Variants in PSG6 observed in about 807,000 individuals in gnomAD.
PSG6 encodes pregnancy specific beta-1-glycoprotein 6.
A neutral mutation model predicts 43.3 loss-of-function variants in PSG6; 51 were observed. That is an observed-to-expected ratio of 1.18 (90% CI 0.94 to 1.49). The LOEUF (loss-of-function observed/expected upper bound fraction) is 1.49. Among genes scored for constraint, PSG6 ranks in the 40% most tolerant of loss-of-function variants. PSG6 has a pLI of 0.00. For synonymous variants in PSG6, 292 were observed against 197.6 expected, an observed-to-expected ratio of 1.48 and a Z score of -4.01; for missense variants, 770 against 522.2, an observed-to-expected ratio of 1.47 and a Z score of -4.62.
intron 2 of PSG6, chr19:42,915,152 A>G (rs1223663008): frequency 6.6e-6 from 1 of 151,260 alleles, no homozygotes; most frequent in Non-Finnish European, 1.5e-5. Context: ...TGTGACCCCG[A>G]TCTCCCCTTT....
chr19:42,903,812 G>C (rs1972071978), intron 5 of PSG6: 2 of 1,409,824 alleles, frequency 1.4e-6, no homozygotes, highest in South Asian at 1.7e-5. Context: ...AGAATTGCTT[G>C]AGCCCAGGAG....
At chr19:42,907,262 T>C in intron 4 of PSG6, 86 bp from the exon 5 acceptor site, 7 of 1,542,454 alleles carry the variant, frequency 4.5e-6, no homozygotes, top group Middle Eastern at 3.9e-4. Flanking sequence ...AGTGACCCTC[T>C]GAACCAAGAC....
chr19:42,914,513 C>G (rs976766083), intron 2 of PSG6, among the ~76,000 whole-genome samples: 1 of 143,176 alleles, frequency 7.0e-6, no homozygotes, highest in Non-Finnish European at 1.5e-5. Flanking sequence ...GACCAGGTGC[C>G]CCCAGCTCCA....
chr19:42,916,929 C>A (rs947074267), intron 1 of PSG6, among the ~76,000 whole-genome samples: 13 of 151,420 alleles, frequency 8.6e-5, no homozygotes, highest in African/African-American at 3.2e-4. Flanking sequence ...CATTCTATAT[C>A]TCTTTGCATG....
rs1972134105 is a variant in PSG6, at chr19:42,907,334, CCT to C, written c.986-160_986-159del. On this transcript the variant is annotated intron_variant, in intron 4 of 5. Coordinates refer to ENST00000187910, the MANE Select transcript of PSG6 (RefSeq NM_001031850.4). The stretch of plus-strand genomic sequence containing the variant: ...ACTAAGCCCAAGCCTGAGGTATTCC[CCT>C]GTTTCTCTCATTACAAGCTGTGGGC... Among the ~76,000 whole-genome samples, 4 of 151,878 alleles carry C rather than the reference CCT, an allele frequency of 2.6e-5. 1 individual carries two copies. Among genetic ancestry groups the C allele is most frequent in the Admixed American group, 2.6e-4 (4 of 15,216 alleles).
chr19:42,903,548 C>T (rs1972066725), intron 5 of PSG6: 1 of 1,342,344 alleles, frequency 7.4e-7, no homozygotes. Flanking sequence ...CAACCATTAA[C>T]TAGATTGGCT....
chr19:42,906,083 C>G (rs1447672014), intron 5 of PSG6, among the ~76,000 whole-genome samples: 2 of 151,570 alleles, frequency 1.3e-5, no homozygotes, highest in Non-Finnish European at 2.9e-5. Flanking sequence ...GTCTTGCCCT[C>G]TCTATAATTA....
In PSG6 at chr19:42,916,847, G is replaced by T. The variant is rs367743477; in HGVS notation, c.65-360C>A. Among the ~76,000 whole-genome samples, 28 of 151,530 alleles carry T rather than the reference G, an allele frequency of 1.8e-4. 2 individuals carry two copies. The East Asian group carries it at 2.9e-3, about 16-fold the overall frequency. Reference sequence around the variant, plus strand: ...CTTCTTTCCTGATGCCTGCTTCAGAGACCCTGGGTCTTCCCTTTCTGACCT... The same window carrying T: ...CTTCTTTCCTGATGCCTGCTTCAGATACCCTGGGTCTTCCCTTTCTGACCT... On this transcript the variant is annotated intron_variant, in intron 1 of 5. Transcript: ENST00000187910.
At position 42,907,870 on chromosome 19, in the gene PSG6, A is replaced by G; in HGVS notation, c.707-16T>C. 6.2e-7 allele frequency: 1 copy of G among 1,610,264 alleles called. No homozygotes were observed. Among genetic ancestry groups the G allele is most frequent in the Non-Finnish European group, 8.5e-7 (1 of 1,177,982 alleles). On this transcript the variant is annotated splice_polypyrimidine_tract_variant and intron_variant, in intron 3 of 5. Coordinates refer to ENST00000187910, the MANE Select transcript of PSG6 (RefSeq NM_001031850.4). Reference sequence around the variant, plus strand: ...GGCAGCTTCGCTGTGTGGATAACAGAAGATTGTCCTGTGTGGCACCTTTGA... The same window carrying G: ...GGCAGCTTCGCTGTGTGGATAACAGGAGATTGTCCTGTGTGGCACCTTTGA...
At chr19:42,910,496 C>A in intron 3 of PSG6, 84 bp downstream of exon 3, 2 of 1,612,170 alleles carry the variant, frequency 1.2e-6, no homozygotes, top group Non-Finnish European at 8.5e-7. Context: ...TGTACTTGGA[C>A]CTGAGAGGGA....
chr19:42,903,478 G>T lies in PSG6; in HGVS notation c.1241-1032C>A, dbSNP rs778285383. 1.0e-5 allele frequency: 8 copies of T among 784,620 alleles called. 1 individual carries two copies. The highest frequency in any genetic ancestry group is 1.5e-5 in the Non-Finnish European group (8 of 527,688). 48.6% of individuals were successfully genotyped at this position (784,620 alleles called of 1,614,324 possible). On this transcript the variant is annotated intron_variant, in intron 5 of 5. Transcript: ENST00000187910. The stretch of plus-strand genomic sequence containing the variant: ...ATAAATAAAATGGAGAATGGAAACA[G>T]AATAGAGGAAATTACTGAAACCAAA...
chr19:42,906,691 G>A, intron 5 of PSG6: 1 of 1,451,440 alleles, frequency 6.9e-7, no homozygotes. Context: ...GGCTGATAAA[G>A]CCCCCTCCCT....
intron 2 of PSG6, among the ~76,000 whole-genome samples, chr19:42,914,573 C>A (rs1465196534): frequency 6.7e-6 from 1 of 149,834 alleles, no homozygotes; most frequent in African/African-American, 2.5e-5. Flanking sequence ...CAAAGAACTT[C>A]AGAGTTGCAT....
At chr19:42,902,639 A>G (rs1972052983) in intron 5 of PSG6, among the ~76,000 whole-genome samples, 193 bp from the exon 6 acceptor site, 1 of 151,576 alleles carries the variant, frequency 6.6e-6, no homozygotes, top group African/African-American at 2.4e-5. Flanking sequence ...CTGCATTGGT[A>G]CCTAAAACTT....
Position 42,916,254 on chromosome 19 carries a change from C to G in PSG6, c.298G>C (p.Val100Leu). The stretch of plus-strand genomic sequence containing the variant: ...ATCAGCAGGGATGCATTGGAATATA[C>G]TGTTTCTCGTCCACTGTAGGCAGGC... ...YGPAYSGRET[V>L]YSNASLLIQN... The change falls in exon 2 of 6, where the codon GTA (valine) becomes CTA (leucine). Residue 100 changes from valine to leucine, a missense_variant. Coordinates refer to ENST00000187910, the MANE Select transcript of PSG6 (RefSeq NM_001031850.4). 1 of 1,612,198 alleles carries G rather than the reference C, an allele frequency of 6.2e-7. No individual in the cohort carries two copies. Among genetic ancestry groups the G allele is most frequent in the Non-Finnish European group, 8.5e-7 (1 of 1,179,102 alleles).
At chr19:42,903,839 G>C (rs10424427) in intron 5 of PSG6, 371,564 of 1,311,846 alleles carry the variant, frequency 0.28, 58,321 homozygotes, top group South Asian at 0.45. Context: ...GCTGCAGTGA[G>C]CCATAATCAC....
chr19:42,906,881 C>A, intron 5 of PSG6, 41 bp downstream of exon 5: 3 of 1,611,748 alleles, frequency 1.9e-6, no homozygotes, highest in South Asian at 2.2e-5. Context: ...AGATAGACTC[C>A]ACCTAAAACC....
intron 5 of PSG6, among the ~76,000 whole-genome samples, chr19:42,905,302 G>A (rs532652108): frequency 6.6e-6 from 1 of 151,836 alleles, no homozygotes; most frequent in South Asian, 2.1e-4. Context: ...TATAGCCCAT[G>A]CAAAGTTCCT....
At chr19:42,903,390 G>A (rs1053191729) in intron 5 of PSG6, among the ~76,000 whole-genome samples, 4 of 151,446 alleles carry the variant, frequency 2.6e-5, no homozygotes, top group East Asian at 1.9e-4. Flanking sequence ...TTCAGGATAC[G>A]AAAGAAGAAC....
Sources: allele counts gnomAD v4.1 joint callset (sites outside exome capture counted in the v4.1 genomes callset), GRCh38; gene constraint gnomAD v4.1.1; transcripts MANE v1.5; gene names NCBI Gene and HGNC (gene_info 2026-07-23, HGNC 2026-07-21).